The following SLC38A12 variants were observed in gnomAD, a reference collection of about 807,000 sequenced individuals.
The protein encoded by SLC38A12 is putative sodium-coupled neutral amino acid transporter 12.
the SLC38A12 span, among the ~76,000 whole-genome samples, chr17:74,803,421 G>A: frequency 1.3e-5 from 2 of 152,114 alleles, no homozygotes; most frequent in Admixed American, 1.3e-4. Context: ...CGCGGAGCTT[G>A]ATAAGTATAT....
chr17:74,828,082 G>T, the SLC38A12 span, among the ~76,000 whole-genome samples: 3 of 152,196 alleles, frequency 2.0e-5, no homozygotes, highest in African/African-American at 7.2e-5. Context: ...ATTAGCCCTG[G>T]CATGTTGATT....
chr17:74,795,150 AG>A, the SLC38A12 span: 2 of 1,552,298 alleles, frequency 1.3e-6, no homozygotes, highest in African/African-American at 2.7e-5. Flanking sequence ...CGGTAGCCAA[AG>A]GGGCTTCCTC....
At chr17:74,804,669 C>T in the SLC38A12 span, among the ~76,000 whole-genome samples, 1 of 152,176 alleles carries the variant, frequency 6.6e-6, no homozygotes, top group Non-Finnish European at 1.5e-5. Context: ...CTTGAGCCAC[C>T]GCAGGGCATG....
the SLC38A12 span, among the ~76,000 whole-genome samples, chr17:74,819,572 A>T: frequency 1.3e-5 from 2 of 152,098 alleles, no homozygotes; most frequent in South Asian, 4.1e-4. Context: ...CTTTTGTTCC[A>T]CCCCTGGCAC....
the SLC38A12 span, among the ~76,000 whole-genome samples, chr17:74,800,953 A>G: frequency 6.6e-6 from 1 of 152,344 alleles, no homozygotes; most frequent in South Asian, 2.1e-4. Context: ...GCCTGTCAAG[A>G]GTGTCCCTTC....
the SLC38A12 span, among the ~76,000 whole-genome samples, chr17:74,788,541 TA>T: frequency 2.3e-4 from 35 of 152,318 alleles, no homozygotes; most frequent in African/African-American, 7.5e-4. Context: ...CTCCTTTGGT[TA>T]TTTTCCCTCC....
the SLC38A12 span, among the ~76,000 whole-genome samples, chr17:74,798,886 ACAGT>A: frequency 6.9e-6 from 1 of 145,590 alleles, no homozygotes; most frequent in African/African-American, 2.8e-5. Flanking sequence ...GGTAGGCAAC[ACAGT>A]CAGAAGTTGG....
At chr17:74,807,760 T>G in the SLC38A12 span, among the ~76,000 whole-genome samples, 90 of 152,342 alleles carry the variant, frequency 5.9e-4, no homozygotes, top group African/African-American at 2.1e-3. Context: ...AGTGACGGAT[T>G]AGAGTAGGCG....
chr17:74,823,929 G>A, the SLC38A12 span, among the ~76,000 whole-genome samples: 1 of 152,262 alleles, frequency 6.6e-6, no homozygotes, highest in Admixed American at 6.5e-5. Context: ...GGCCTTGAAT[G>A]GGGCCGTGTT....
At chr17:74,836,669 C>T in the SLC38A12 span, 5 of 1,602,198 alleles carry the variant, frequency 3.1e-6, no homozygotes. This position sits in a 1 kb window ranked among gnomAD's most constrained non-coding sequence, Gnocchi z 4.2. Flanking sequence ...ATATCATCCT[C>T]AGCGAGACCA....
At chr17:74,835,448 T>C in the SLC38A12 span, among the ~76,000 whole-genome samples, 1 of 152,082 alleles carries the variant, frequency 6.6e-6, no homozygotes, top group African/African-American at 2.4e-5. Context: ...CTCCATGCCC[T>C]TCTTCGTCTA....
At chr17:74,781,613 T>TATGC in the SLC38A12 span, among the ~76,000 whole-genome samples, 1 of 152,236 alleles carries the variant, frequency 6.6e-6, no homozygotes, top group Admixed American at 6.5e-5. Context: ...CTTTGCTTTC[T>TATGC]CTTTACTTCC....
the SLC38A12 span, among the ~76,000 whole-genome samples, chr17:74,779,529 G>C: frequency 6.6e-6 from 1 of 152,150 alleles, no homozygotes; most frequent in African/African-American, 2.4e-5. Context: ...TCTTCCTAAG[G>C]GTTCCTTAAC....
chr17:74,794,846 G>T, the SLC38A12 span, among the ~76,000 whole-genome samples: 11 of 151,968 alleles, frequency 7.2e-5, no homozygotes, highest in South Asian at 2.1e-3. Context: ...GCCAGAAAAA[G>T]AAATAGGACT....
chr17:74,786,859 G>A, the SLC38A12 span, among the ~76,000 whole-genome samples: 22 of 152,180 alleles, frequency 1.4e-4, no homozygotes, highest in African/African-American at 3.9e-4. Flanking sequence ...ACATGACTCC[G>A]CTGTCCCCTT....
the SLC38A12 span, among the ~76,000 whole-genome samples, chr17:74,834,119 C>G: frequency 1.3e-5 from 2 of 152,166 alleles, no homozygotes; most frequent in African/African-American, 4.8e-5. Flanking sequence ...GCACACCCCC[C>G]TCTACCCACC....
chr17:74,811,588 G>T, the SLC38A12 span, among the ~76,000 whole-genome samples: 1 of 151,666 alleles, frequency 6.6e-6, no homozygotes, highest in Non-Finnish European at 1.5e-5. Context: ...AAGCGTGGTG[G>T]CATATGCCTG....
the SLC38A12 span, among the ~76,000 whole-genome samples, chr17:74,794,757 G>C: frequency 2.2e-4 from 34 of 151,986 alleles, no homozygotes; most frequent in Non-Finnish European, 5.0e-4. Context: ...AAATCTCTCT[G>C]ATCCTCCCAG....
At chr17:74,810,169 G>A in the SLC38A12 span, among the ~76,000 whole-genome samples, 1 of 152,238 alleles carries the variant, frequency 6.6e-6, no homozygotes, top group East Asian at 1.9e-4. Flanking sequence ...GAACGAGGCT[G>A]CCAGCTTGGC....
Sources: gnomAD v4.1 joint callset for allele counts (sites outside exome capture counted in the v4.1 genomes callset) on GRCh38, gnomAD v4.1.1 for gene constraint, Gnocchi (gnomAD v3.1) non-coding constraint, MANE v1.5 for transcripts, NCBI Gene and HGNC (gene_info 2026-07-23, HGNC 2026-07-21) for gene names.